Variants in DIP2B observed in about 807,000 individuals in gnomAD.
The protein encoded by DIP2B is disco-interacting protein 2 homolog B.
Under a neutral mutation model 198.0 loss-of-function variants are expected in DIP2B, and 76 were observed. That is an observed-to-expected ratio of 0.38 (90% CI 0.32 to 0.46). The LOEUF (loss-of-function observed/expected upper bound fraction) is 0.46. DIP2B is among the 20% of genes least tolerant of loss of function. The pLI, the probability that DIP2B is intolerant of heterozygous loss-of-function variation, is 0.99. For missense variants in DIP2B, 1,559 were observed against 1,978.4 expected (o/e 0.79, Z 4.02); for synonymous variants, 701 against 739.1 (o/e 0.95, Z 0.84).
At chr12:50,525,460 T>C (rs537919140) in intron 1 of DIP2B, among the ~76,000 whole-genome samples, 2 of 151,916 alleles carry the variant, frequency 1.3e-5, no homozygotes, top group East Asian at 3.9e-4. Context: ...AAAATAGGCA[T>C]TTCTTTTCTT....
At chr12:50,568,751 TGAGGGGAGC>T (rs1958588454) in intron 1 of DIP2B, among the ~76,000 whole-genome samples, 1 of 152,184 alleles carries the variant, frequency 6.6e-6, no homozygotes, top group Non-Finnish European at 1.5e-5. Context: ...GGAGAGAGGC[TGAGGGGAGC>T]TTACTCCTTG....
At chr12:50,576,427 A>C (rs1958661559) in intron 1 of DIP2B, among the ~76,000 whole-genome samples, 1 of 151,184 alleles carries the variant, frequency 6.6e-6, no homozygotes, top group Non-Finnish European at 1.5e-5. Context: ...TGTGAAAGAG[A>C]CCACATGTGG....
At chr12:50,672,130 A>G (rs1008086689) in intron 5 of DIP2B, among the ~76,000 whole-genome samples, 1 of 151,810 alleles carries the variant, frequency 6.6e-6, no homozygotes, top group African/African-American at 2.4e-5. Flanking sequence ...TTTTTTCTTG[A>G]CAATCAGTGC....
chr12:50,739,309 A>C, intron 35 of DIP2B, 100 bp from the exon 36 acceptor site: 1 of 1,343,330 alleles, frequency 7.4e-7, no homozygotes, highest in Non-Finnish European at 1.0e-6. Flanking sequence ...GTTGTTGTTA[A>C]TATAAAAATG....
intron 1 of DIP2B, among the ~76,000 whole-genome samples, chr12:50,543,502 TG>T (rs1958345532): frequency 1.3e-5 from 2 of 151,640 alleles, no homozygotes; most frequent in African/African-American, 4.8e-5. Context: ...TTGGCCAGGC[TG>T]TTCTCGAACT....
At position 50,595,978 on chromosome 12, in the gene DIP2B, G is replaced by T. The variant is rs1225023581; in HGVS notation, c.101-29998G>T. 1.3e-5 allele frequency among the ~76,000 whole-genome samples: 2 copies of T among 152,124 alleles called. 1 individual carries two copies. The highest frequency in any genetic ancestry group is 3.9e-4 in the East Asian group (2 of 5,194). On this transcript the variant is annotated intron_variant, in intron 1 of 37. Transcript: ENST00000301180. ...AGTAGTTCCTGGAACATATCTTTCT[G>T]CTGTATGTAAGGAATTTATAATGTT...
intron 2 of DIP2B, among the ~76,000 whole-genome samples, chr12:50,631,354 G>A (rs1380540306): frequency 2.6e-5 from 4 of 151,868 alleles, no homozygotes; most frequent in Non-Finnish European, 5.9e-5. Context: ...AGCCTCCCGA[G>A]TAGCTGAGAT....
chr12:50,622,830 T>G (rs2139464964), intron 1 of DIP2B, among the ~76,000 whole-genome samples: 1 of 152,310 alleles, frequency 6.6e-6, no homozygotes, highest in Non-Finnish European at 1.5e-5. Context: ...CAGGCTGGTC[T>G]CGAACTCCTG....
At chr12:50,694,600 A>G (rs1939276984) in intron 14 of DIP2B, among the ~76,000 whole-genome samples, 1 of 150,810 alleles carries the variant, frequency 6.6e-6, no homozygotes, top group South Asian at 2.1e-4. Flanking sequence ...CAAGAGAATC[A>G]CTTGAGTTCA....
At chr12:50,677,268 C>T (rs1009319343) in intron 7 of DIP2B, among the ~76,000 whole-genome samples, 2 of 152,072 alleles carry the variant, frequency 1.3e-5, no homozygotes, top group African/African-American at 4.8e-5. Flanking sequence ...GTTTATGTCC[C>T]CTGGTGCACT....
intron 1 of DIP2B, among the ~76,000 whole-genome samples, chr12:50,612,453 A>T (rs1292316823): frequency 6.9e-6 from 1 of 144,390 alleles, no homozygotes; most frequent in East Asian, 2.0e-4. Flanking sequence ...TTTTTGAGAC[A>T]GTCTTGCTCT....
At chr12:50,527,307 C>T (rs960758137) in intron 1 of DIP2B, among the ~76,000 whole-genome samples, 1 of 152,212 alleles carries the variant, frequency 6.6e-6, no homozygotes, top group African/African-American at 2.4e-5. Flanking sequence ...ACTGTACACA[C>T]AGAGTATTTG....
chr12:50,627,484 C>T (rs1445844563), intron 2 of DIP2B, among the ~76,000 whole-genome samples: 1 of 152,162 alleles, frequency 6.6e-6, no homozygotes, highest in Non-Finnish European at 1.5e-5. Flanking sequence ...CAGGTGTGCG[C>T]CACCACACCC....
At chr12:50,594,614 T>C (rs920428795) in intron 1 of DIP2B, among the ~76,000 whole-genome samples, 1 of 152,218 alleles carries the variant, frequency 6.6e-6, no homozygotes, top group Non-Finnish European at 1.5e-5. Context: ...AGGACTTACA[T>C]AACAGTATAC....
chr12:50,678,556 C>A, intron 7 of DIP2B, 123 bp from the exon 8 acceptor site: 1 of 1,059,116 alleles, frequency 9.4e-7, no homozygotes, highest in Non-Finnish European at 1.4e-6. Flanking sequence ...CATGTCCTTT[C>A]TCAAAGTGAG....
intron 3 of DIP2B, among the ~76,000 whole-genome samples, chr12:50,648,148 T>C (rs1938383481): frequency 1.3e-5 from 2 of 151,818 alleles, no homozygotes; most frequent in Non-Finnish European, 2.9e-5. Flanking sequence ...ACCAAAAGAA[T>C]AGGAGCAGCT....
chr12:50,730,537 G>A (rs566002796), intron 30 of DIP2B, among the ~76,000 whole-genome samples: 43 of 151,764 alleles, frequency 2.8e-4, no homozygotes, highest in Admixed American at 1.2e-3. Context: ...GTGCCACCAC[G>A]CCTGGCTAAT....
At chr12:50,703,876 A>G (rs892681138) in intron 19 of DIP2B, among the ~76,000 whole-genome samples, 8 of 142,802 alleles carry the variant, frequency 5.6e-5, no homozygotes, top group Non-Finnish European at 9.2e-5. Flanking sequence ...TATCTGTTTG[A>G]AAAAAAAAAA....
intron 1 of DIP2B, among the ~76,000 whole-genome samples, chr12:50,607,313 C>T (rs946319825): frequency 1.3e-5 from 2 of 152,122 alleles, no homozygotes; most frequent in Admixed American, 6.5e-5. Flanking sequence ...ACCCAGGAAA[C>T]TTAACTAACA....
Sources: allele counts gnomAD v4.1 joint callset (sites outside exome capture counted in the v4.1 genomes callset), GRCh38; gene constraint gnomAD v4.1.1; transcripts MANE v1.5; gene names NCBI Gene and HGNC (gene_info 2026-07-23, HGNC 2026-07-21).